Variants in DNAH11 observed in about 807,000 individuals in gnomAD.
DNAH11 encodes dynein axonemal heavy chain 11.
A neutral mutation model predicts 526.0 loss-of-function variants in DNAH11; 442 were observed. That is an observed-to-expected ratio of 0.84 (90% CI 0.78 to 0.91). DNAH11 has a LOEUF of 0.91. Among genes scored for constraint, DNAH11 ranks in the 40% least tolerant of loss-of-function variants. DNAH11 has a pLI of 0.00. For missense variants in DNAH11, 6,989 were observed against 5,448.7 expected, an observed-to-expected ratio of 1.28 and a Z score of -8.90; for synonymous variants, 2,461 against 1,935.9, an observed-to-expected ratio of 1.27 and a Z score of -7.12.
intron 1 of DNAH11, 60 bp downstream of exon 1, chr7:21,543,656 C>G: frequency 6.6e-7 from 1 of 1,505,394 alleles, no homozygotes; most frequent in Non-Finnish European, 8.9e-7. Flanking sequence ...GGGAGACAGC[C>G]CAGTCGCTCC....
At chr7:21,573,727 AAC>A (rs1783981016) in intron 8 of DNAH11, among the ~76,000 whole-genome samples, 1 of 152,120 alleles carries the variant, frequency 6.6e-6, no homozygotes, top group Non-Finnish European at 1.5e-5. Context: ...ATACATGCCC[AAC>A]CTCTGCCCTT....
rs1372173521 is a variant in DNAH11, at chr7:21,619,082, T to G, written c.4255-18T>G. ...ATATATGTGGAATATAAAGTCTAAC[T>G]TTTTTTCCCCCAATCAGGTCAAGTT... On this transcript the variant is annotated intron_variant, in intron 23 of 81. Coordinates refer to ENST00000409508, the MANE Select transcript of DNAH11 (RefSeq NM_001277115.2). 2 of 1,610,950 alleles carry G rather than the reference T, an allele frequency of 1.2e-6. No homozygotes were observed. The highest frequency in any genetic ancestry group is 1.7e-5 in the Admixed American group (1 of 59,832).
At chr7:21,834,694 A>G (rs961778774) in intron 65 of DNAH11, among the ~76,000 whole-genome samples, 15 of 152,060 alleles carry the variant, frequency 9.9e-5, no homozygotes, top group African/African-American at 2.7e-4. Flanking sequence ...ATTATAAGAT[A>G]AATTAGCCAG....
intron 3 of DNAH11, 47 bp downstream of exon 3, chr7:21,559,045 G>A (rs758457791): frequency 1.3e-6 from 2 of 1,497,624 alleles, no homozygotes; most frequent in South Asian, 2.5e-5. Flanking sequence ...AGAGAGCCAG[G>A]CCAGCACGGT....
At chr7:21,851,446 C>T in intron 66 of DNAH11, 1 of 425,400 alleles carries the variant, frequency 2.4e-6, no homozygotes, top group East Asian at 7.1e-5. Flanking sequence ...ACATCCAGGT[C>T]ATATTAGGCA....
At chr7:21,560,963 T>G (rs933719242) in intron 4 of DNAH11, 108 bp from the exon 5 acceptor site, 1 of 761,726 alleles carries the variant, frequency 1.3e-6, no homozygotes, top group African/African-American at 1.8e-5. Context: ...TGTTAAATAC[T>G]GTATCACTTG....
chr7:21,574,777 G>T (rs1259118638), intron 8 of DNAH11, among the ~76,000 whole-genome samples: 2 of 150,204 alleles, frequency 1.3e-5, no homozygotes, highest in African/African-American at 4.9e-5. Flanking sequence ...TGTTGGCCGG[G>T]TTGGTCTCAA....
chr7:21,854,310 C>T lies in DNAH11; in HGVS notation c.11062-5C>T. 1 of 1,613,210 alleles carries T rather than the reference C, an allele frequency of 6.2e-7. No individual in the cohort carries two copies. Among genetic ancestry groups the T allele is most frequent in the South Asian group, 1.1e-5 (1 of 90,956 alleles). On this transcript the variant is annotated splice_region_variant and splice_polypyrimidine_tract_variant and intron_variant, in intron 67 of 81. Transcript: ENST00000409508. ...AGTTACTTATTTTGTTTGATCCCAC[C>T]ATAGGTGATTGAAGCCAAAGAAAAT... is the stretch of plus-strand genomic sequence containing the variant.
intron 63 of DNAH11, among the ~76,000 whole-genome samples, chr7:21,815,298 C>T (rs1016987726): frequency 6.6e-6 from 1 of 152,166 alleles, no homozygotes; most frequent in Non-Finnish European, 1.5e-5. Flanking sequence ...ATTGCTTATT[C>T]TAAAAGATCA....
chr7:21,801,389 A>T, intron 62 of DNAH11, 114 bp downstream of exon 62: 3 of 1,360,492 alleles, frequency 2.2e-6, no homozygotes, highest in Non-Finnish European at 3.0e-6. Context: ...ACAAAGGATA[A>T]TATTTGATAA....
At chr7:21,628,119 T>G (rs987884584) in intron 25 of DNAH11, among the ~76,000 whole-genome samples, 7 of 152,162 alleles carry the variant, frequency 4.6e-5, no homozygotes, top group Non-Finnish European at 8.8e-5. Flanking sequence ...AATGCAACTG[T>G]TTTTTGTATG....
intron 65 of DNAH11, among the ~76,000 whole-genome samples, chr7:21,825,962 A>G (rs2128005195): frequency 6.6e-6 from 1 of 150,852 alleles, no homozygotes; most frequent in South Asian, 2.1e-4. Flanking sequence ...CTGTCTCCAA[A>G]AAAAAAAAAA....
At chr7:21,707,150 C>T (rs944233125) in intron 39 of DNAH11, among the ~76,000 whole-genome samples, 4 of 152,294 alleles carry the variant, frequency 2.6e-5, no homozygotes, top group South Asian at 4.1e-4. Context: ...TTCTTGAGAA[C>T]CACTGCCCTA....
At chr7:21,800,118 C>G (rs1788903458) in intron 61 of DNAH11, among the ~76,000 whole-genome samples, 1 of 152,242 alleles carries the variant, frequency 6.6e-6, no homozygotes, top group Admixed American at 6.5e-5. Flanking sequence ...CCATGAACTT[C>G]TCTTGGAGTC....
At chr7:21,787,609 C>A in intron 60 of DNAH11, 26 bp downstream of exon 60, 2 of 1,566,880 alleles carry the variant, frequency 1.3e-6, no homozygotes, top group South Asian at 2.4e-5. Flanking sequence ...TGATTGTTTA[C>A]AGATGTTCTC....
chr7:21,727,956 A>C (rs1297745090), intron 45 of DNAH11, among the ~76,000 whole-genome samples: 1 of 152,126 alleles, frequency 6.6e-6, no homozygotes, highest in Non-Finnish European at 1.5e-5. Flanking sequence ...CTCTGTGCAC[A>C]TTCATGCTCA....
intron 75 of DNAH11, among the ~76,000 whole-genome samples, chr7:21,882,299 G>T (rs1436711972): frequency 2.0e-5 from 3 of 151,888 alleles, no homozygotes; most frequent in African/African-American, 7.3e-5. Flanking sequence ...TTCATCCTGG[G>T]GCTCCAGGAT....
intron 45 of DNAH11, among the ~76,000 whole-genome samples, chr7:21,729,225 A>T (rs1052418727): frequency 5.9e-5 from 9 of 152,122 alleles, no homozygotes; most frequent in Non-Finnish European, 1.3e-4. Context: ...GTAGAATCTA[A>T]GAAGTCTTAC....
intron 65 of DNAH11, among the ~76,000 whole-genome samples, chr7:21,825,119 C>T (rs1336001700): frequency 6.6e-6 from 1 of 152,162 alleles, no homozygotes; most frequent in Non-Finnish European, 1.5e-5. Flanking sequence ...GATCTGCCCA[C>T]CTTGGCTTCC....
Sources: allele counts gnomAD v4.1 joint callset (sites outside exome capture counted in the v4.1 genomes callset), GRCh38; gene constraint gnomAD v4.1.1; transcripts MANE v1.5; gene names NCBI Gene and HGNC (gene_info 2026-07-23, HGNC 2026-07-21).